The following RARB variants were observed in gnomAD, a reference collection of about 807,000 sequenced individuals.
RARB encodes the protein retinoic acid receptor beta, also known as HBV-activated protein.
Under a neutral mutation model 51.9 loss-of-function variants are expected in RARB, and 17 were observed. The observed-to-expected ratio is 0.33, with a 90% CI of 0.22 to 0.49. The LOEUF (loss-of-function observed/expected upper bound fraction) is 0.49, where lower values mean the gene tolerates loss of function less well. Among genes scored for constraint, RARB ranks in the 20% least tolerant of loss-of-function variants. The pLI is 0.99. For synonymous variants in RARB, 215 were observed against 195.4 expected (o/e 1.10, Z -0.84); for missense variants, 369 against 550.8 (o/e 0.67, Z 3.30).
rs114543023 is a variant in RARB at position 24,880,980 on chromosome 3, T to G, written c.-380+22228T>G. Among the ~76,000 whole-genome samples the G allele has an allele frequency of 6.8e-3, 1,038 of 152,332 alleles. 8 individuals carry two copies. Among genetic ancestry groups the G allele is most frequent in the African/African-American group, 0.023 (958 of 41,578 alleles). On this transcript the variant is annotated intron_variant, in intron 2 of 11. Coordinates refer to the RARB transcript ENST00000383772. ...GCTCTGTGTCCCCACCCAAATCTCATCTTGAATGGTAATCCCTGTGTGTCA... is the reference window on the plus strand; with the variant it reads ...GCTCTGTGTCCCCACCCAAATCTCAGCTTGAATGGTAATCCCTGTGTGTCA...
At chr3:25,178,359 G>T (rs1700797197) in intron 5 of RARB, among the ~76,000 whole-genome samples, 1 of 151,946 alleles carries the variant, frequency 6.6e-6, no homozygotes, top group Admixed American at 6.6e-5. Context: ...GCACATTTTG[G>T]ATTACTCACA....
intron 2 of RARB, among the ~76,000 whole-genome samples, chr3:24,886,440 A>T (rs937084712): frequency 8.4e-6 from 1 of 118,612 alleles, no homozygotes; most frequent in Admixed American, 1.0e-4. Context: ...AAGTATCTGT[A>T]AACAAACTTT....
chr3:25,543,461 G>C (rs1386741577), intron 3 of RARB, among the ~76,000 whole-genome samples: 1 of 152,116 alleles, frequency 6.6e-6, no homozygotes, highest in African/African-American at 2.4e-5. Context: ...TGTACTTCAA[G>C]ATGGCCCTTC....
At position 25,447,378 on chromosome 3, in the gene RARB, G is replaced by A. The variant is rs1442622852; in HGVS notation, c.158-13815G>A. 2.0e-5 allele frequency among the ~76,000 whole-genome samples: 3 copies of A among 152,152 alleles called. No homozygotes were observed. The East Asian group carries it at 5.8e-4, about 29-fold the overall frequency. ...TGACCCCCATCAGATCCTTTTTCTA[G>A]CTGGGGCCATGTTTGCCTTGTGGCA... is the stretch of plus-strand genomic sequence containing the variant. On this transcript the variant is annotated intron_variant, in intron 1 of 7. Transcript: ENST00000330688.
intron 5 of RARB, among the ~76,000 whole-genome samples, chr3:25,227,453 G>C (rs1553645821): frequency 6.6e-6 from 1 of 152,056 alleles, no homozygotes; most frequent in Non-Finnish European, 1.5e-5. Context: ...ATTCACAATT[G>C]AGACTATATT....
intron 2 of RARB, among the ~76,000 whole-genome samples, chr3:24,859,652 A>G (rs1702704749): frequency 6.6e-6 from 1 of 152,218 alleles, no homozygotes; most frequent in Admixed American, 6.5e-5. Context: ...AAAATATGCA[A>G]AGATATTAAA....
At chr3:25,069,013 G>GAA (rs11303156) in intron 3 of RARB, among the ~76,000 whole-genome samples, 96 of 140,722 alleles carry the variant, frequency 6.8e-4, no homozygotes, top group African/African-American at 2.3e-3. Flanking sequence ...ATCTTCCTCT[G>GAA]AAAAAAAAAA....
intron 2 of RARB, among the ~76,000 whole-genome samples, chr3:25,035,928 T>C (rs893918479): frequency 2.6e-5 from 4 of 152,096 alleles, no homozygotes; most frequent in Admixed American, 2.6e-4. Context: ...AACTAAATGG[T>C]GAACTGCCAT....
chr3:25,238,799 T>G (rs1287218882), intron 5 of RARB, among the ~76,000 whole-genome samples: 1 of 152,030 alleles, frequency 6.6e-6, no homozygotes, highest in African/African-American at 2.4e-5. Flanking sequence ...GCCAACACAG[T>G]GAAACTCCTT....
Position 25,154,845 on chromosome 3 carries a change from T to C in RARB, c.-279-19274T>C, listed in dbSNP as rs144911002. ...TGCTTTCATAATACTCGCACCTACC[T>C]ACATCTGAGCATGGCGCCAACCCTA... On this transcript the variant is annotated intron_variant, in intron 4 of 11. Coordinates refer to the RARB transcript ENST00000383772. 2.1e-3 allele frequency among the ~76,000 whole-genome samples: 319 copies of C among 152,334 alleles called. 2 individuals carry two copies. The highest frequency in any genetic ancestry group is 0.02 in the East Asian group (105 of 5,182).
chr3:24,927,202 T>G (rs1384130297), intron 2 of RARB, among the ~76,000 whole-genome samples: 1 of 152,254 alleles, frequency 6.6e-6, no homozygotes. Context: ...CTCGTAGATT[T>G]GCATTACAAA....
intron 4 of RARB, among the ~76,000 whole-genome samples, chr3:25,167,149 A>G (rs1421823708): frequency 6.6e-6 from 1 of 152,202 alleles, no homozygotes; most frequent in Non-Finnish European, 1.5e-5. Flanking sequence ...CCCTCTTCAG[A>G]GAAGACATGT....
intron 1 of RARB, among the ~76,000 whole-genome samples, chr3:24,847,914 T>C (rs1702506030): frequency 6.6e-6 from 1 of 152,220 alleles, no homozygotes; most frequent in Non-Finnish European, 1.5e-5. Flanking sequence ...GGGTGCCCCA[T>C]AGCCACTTCA....
chr3:25,197,531 AT>A (rs1192874270), intron 5 of RARB, among the ~76,000 whole-genome samples: 1 of 152,032 alleles, frequency 6.6e-6, no homozygotes, highest in Non-Finnish European at 1.5e-5. Context: ...ATCATCTTAG[AT>A]TTGGAAAAAC....
At chr3:25,439,671 T>C (rs1462923363) in intron 1 of RARB, among the ~76,000 whole-genome samples, 1 of 152,216 alleles carries the variant, frequency 6.6e-6, no homozygotes, top group East Asian at 1.9e-4. Context: ...GTGCTGGAAT[T>C]ACAGGTGTGA....
chr3:24,994,351 A>C (rs917410027), intron 2 of RARB, among the ~76,000 whole-genome samples: 1 of 151,652 alleles, frequency 6.6e-6, no homozygotes, highest in Non-Finnish European at 1.5e-5. Context: ...AATTGGCTGT[A>C]TTTTTCTTGT....
At chr3:25,504,512 T>C (rs989768258) in intron 3 of RARB, among the ~76,000 whole-genome samples, 1 of 152,062 alleles carries the variant, frequency 6.6e-6, no homozygotes, top group Non-Finnish European at 1.5e-5. Context: ...CAGCCCAGGA[T>C]TGAGGTTGAC....
intron 5 of RARB, among the ~76,000 whole-genome samples, chr3:25,398,575 T>G (rs1487812410): frequency 6.6e-6 from 1 of 152,200 alleles, no homozygotes; most frequent in Non-Finnish European, 1.5e-5. Flanking sequence ...GTTTTAATGT[T>G]GAGATACACT....
At chr3:25,521,207 G>C (rs912891397) in intron 3 of RARB, among the ~76,000 whole-genome samples, 9 of 152,210 alleles carry the variant, frequency 5.9e-5, no homozygotes, top group Admixed American at 5.9e-4. Flanking sequence ...CGTGTCTCCA[G>C]TGAAGAGATC....
Sources: allele counts gnomAD v4.1 joint callset (sites outside exome capture counted in the v4.1 genomes callset), GRCh38; gene constraint gnomAD v4.1.1; transcripts MANE v1.5; gene names NCBI Gene and HGNC (gene_info 2026-07-23, HGNC 2026-07-21).